The following TEX9 variants were observed in gnomAD, a reference collection of about 807,000 sequenced individuals.
TEX9 encodes the protein testis expressed 9.
In TEX9, 74 loss-of-function variants were observed where a neutral mutation model predicts 59.6. The observed-to-expected ratio is 1.24, with a 90% confidence interval of 1.03 to 1.51. The LOEUF (loss-of-function observed/expected upper bound fraction) is 1.51, where lower values mean the gene tolerates loss of function less well. TEX9 is among the 40% of genes most tolerant of loss of function. The pLI, the probability that TEX9 is intolerant of heterozygous loss-of-function variation, is 0.00. For missense variants in TEX9, 522 were observed against 447.8 expected (o/e 1.17, Z -1.49); for synonymous variants, 186 against 152.2 (o/e 1.22, Z -1.64).
intron 1 of TEX9, among the ~76,000 whole-genome samples, chr15:56,344,291 A>G (rs181630317): frequency 6.6e-6 from 1 of 152,328 alleles, no homozygotes; most frequent in East Asian, 1.9e-4. Flanking sequence ...TGATGAATGG[A>G]TAAATACATG....
At chr15:56,331,812 C>T (rs971204107) in intron 1 of TEX9, among the ~76,000 whole-genome samples, 13 of 151,038 alleles carry the variant, frequency 8.6e-5, no homozygotes, top group Non-Finnish European at 3.0e-5. Flanking sequence ...GGGCGAAGGA[C>T]ATGAACAGAC....
chr15:56,294,246 C>G (rs1369390126), intron 1 of TEX9, among the ~76,000 whole-genome samples: 1 of 152,126 alleles, frequency 6.6e-6, no homozygotes. Flanking sequence ...CGTTATCTGC[C>G]CTGCCTTGAC....
At chr15:56,415,589 GCCTGTTTTTGTAACAGTA>G (rs1379044638) in intron 10 of TEX9, among the ~76,000 whole-genome samples, 1 of 151,604 alleles carries the variant, frequency 6.6e-6, no homozygotes, top group African/African-American at 2.4e-5. Flanking sequence ...TGGTCTATGT[GCCTGTTTTTGTAACAGTA>G]CCTGTTTTTG....
intron 10 of TEX9, among the ~76,000 whole-genome samples, chr15:56,417,654 T>A (rs1271444527): frequency 6.6e-6 from 1 of 152,022 alleles, no homozygotes; most frequent in South Asian, 2.1e-4. Context: ...CTAAGAAGAA[T>A]GTATATTGTG....
downstream of TEX9, among the ~76,000 whole-genome samples, chr15:56,449,932 TTC>T (rs1476612425): frequency 6.6e-6 from 1 of 152,214 alleles, no homozygotes; most frequent in African/African-American, 2.4e-5. Context: ...TATTTGTGCA[TTC>T]TCTTTTACTC....
upstream of TEX9, among the ~76,000 whole-genome samples, chr15:56,363,721 A>G: frequency 6.6e-6 from 1 of 151,310 alleles, no homozygotes; most frequent in South Asian, 2.1e-4. Context: ...GCTAGAGTGC[A>G]GTGGTGTGAC....
chr15:56,365,681 C>G lies in TEX9; in HGVS notation c.119+11C>G. On this transcript the variant is annotated intron_variant, in intron 2 of 12. Transcript: ENST00000352903. ...GGAGGAAGAATATAAGTAAGAAATT[C>G]GGCGGTTGAACTTTTCCTTCTTTCT... 1.9e-6 allele frequency: 3 copies of G among 1,613,752 alleles called. 1 individual carries two copies. The South Asian group carries it at 3.3e-5, about 18-fold the overall frequency.
At chr15:56,402,253 G>T (rs2048830007) in intron 9 of TEX9, among the ~76,000 whole-genome samples, 1 of 152,040 alleles carries the variant, frequency 6.6e-6, no homozygotes, top group East Asian at 1.9e-4. Flanking sequence ...GACTAATAAA[G>T]AAGAAAATAG....
At chr15:56,439,054 G>GA (rs1175880255) in intron 12 of TEX9, among the ~76,000 whole-genome samples, 1 of 151,818 alleles carries the variant, frequency 6.6e-6, no homozygotes, top group Non-Finnish European at 1.5e-5. Flanking sequence ...ACTATGTAGG[G>GA]AAAAAAAATC....
chr15:56,301,274 T>A (rs1314173525), intron 1 of TEX9, among the ~76,000 whole-genome samples: 1 of 152,042 alleles, frequency 6.6e-6, no homozygotes, highest in Non-Finnish European at 1.5e-5. Context: ...AAGAAAGAAT[T>A]ATGAGCCTGA....
At chr15:56,423,604 C>T (rs186441499) in intron 10 of TEX9, among the ~76,000 whole-genome samples, 1 of 151,988 alleles carries the variant, frequency 6.6e-6, no homozygotes, top group Non-Finnish European at 1.5e-5. Flanking sequence ...AGTTGTGCAA[C>T]CATCACCACA....
intron 3 of TEX9, among the ~76,000 whole-genome samples, chr15:56,378,922 G>T (rs940802087): frequency 3.3e-5 from 5 of 152,028 alleles, no homozygotes; most frequent in African/African-American, 9.6e-5. Flanking sequence ...AAATTAGTCA[G>T]ATGTGGTGGT....
rs375699449 is a variant in TEX9 at position 56,412,409 on chromosome 15, G to A, written c.936G>A (p.Glu312=). ...AAGAAGCAGAAAAGTATAAACTGGA[G>A]TTAAGTAAATTAAGGCAAAATAACA... is the stretch of plus-strand genomic sequence containing the variant. Residue 312 remains glutamate, a synonymous_variant, in exon 10 of 13, where the codon GAG becomes GAA. Transcript: ENST00000352903. 3.7e-6 allele frequency: 6 copies of A among 1,611,452 alleles called. No homozygotes were observed. The African/African-American group carries it at 8.0e-5, about 22-fold the overall frequency.
In TEX9 at chr15:56,377,133, TACTCAGATG is replaced by T. The variant is rs1596141541; in HGVS notation, c.183+3630_183+3638del. Among the ~76,000 whole-genome samples, 3 of 152,232 alleles carry T rather than the reference TACTCAGATG, an allele frequency of 2.0e-5. No homozygotes were observed. The East Asian group carries it at 5.8e-4, about 29-fold the overall frequency. On this transcript the variant is annotated intron_variant, in intron 3 of 12. Transcript: ENST00000352903. ...GTCTGTGTGTCTGTTTTTATGCCAGTACTCAGATGTTTTGGTTACTATAGCACCATAGTA... is the reference window on the plus strand; with the variant it reads ...GTCTGTGTGTCTGTTTTTATGCCAGTTTTTGGTTACTATAGCACCATAGTA...
intron 12 of TEX9, among the ~76,000 whole-genome samples, chr15:56,438,952 T>C (rs2050774569): frequency 6.6e-6 from 1 of 152,084 alleles, no homozygotes; most frequent in Non-Finnish European, 1.5e-5. Flanking sequence ...GCTGGAAATT[T>C]TAGCCAGCAT....
At chr15:56,252,188 T>C (rs1022391876) in intron 1 of TEX9, among the ~76,000 whole-genome samples, 6 of 152,106 alleles carry the variant, frequency 3.9e-5, no homozygotes, top group African/African-American at 1.4e-4. Context: ...ACTATCTCAT[T>C]GTAGGCTAAT....
At chr15:56,422,263 AAAAT>A (rs527614916) in intron 10 of TEX9, among the ~76,000 whole-genome samples, 39 of 151,696 alleles carry the variant, frequency 2.6e-4, no homozygotes, top group Non-Finnish European at 5.3e-4. Context: ...AAAAAATAAT[AAAAT>A]AAAAAAATAA....
At chr15:56,366,910 T>A (rs1467216971) in intron 2 of TEX9, among the ~76,000 whole-genome samples, 1 of 152,232 alleles carries the variant, frequency 6.6e-6, no homozygotes, top group Non-Finnish European at 1.5e-5. Context: ...AATGGGCCGA[T>A]TATCCCAGTT....
rs150466462 is a variant in TEX9, at chr15:56,397,185, T to C, written c.828+2351T>C. 170 of 166,206 alleles carry C rather than the reference T, an allele frequency of 1.0e-3. 6 individuals are homozygous for C. The East Asian group carries it at 0.028, about 28-fold the overall frequency. The allele number at this position is 166,206 out of a possible 1,614,324, so 10.3% of individuals were successfully genotyped here. Reference sequence around the variant, plus strand: ...TCTCAGATGGAGATGAGGAACTTGTTAGGAACTAGAGCAAATGTGACTCTT... The same window carrying C: ...TCTCAGATGGAGATGAGGAACTTGTCAGGAACTAGAGCAAATGTGACTCTT... On this transcript the variant is annotated intron_variant, in intron 9 of 12. Transcript: ENST00000352903.
Sources: gnomAD v4.1 joint callset for allele counts (sites outside exome capture counted in the v4.1 genomes callset) on GRCh38, gnomAD v4.1.1 for gene constraint, MANE v1.5 for transcripts, NCBI Gene and HGNC (gene_info 2026-07-23, HGNC 2026-07-21) for gene names.